The following LPAR1 variants were observed in gnomAD, a reference collection of about 807,000 sequenced individuals.
The protein encoded by LPAR1 is lysophosphatidic acid receptor 1.
LPAR1 carries 5 observed loss-of-function variants against 23.8 expected under a neutral mutation model. The ratio of observed to expected loss-of-function variants is 0.21; its 90% confidence interval spans 0.11 to 0.44. The LOEUF (loss-of-function observed/expected upper bound fraction) is 0.44. Ranked by LOEUF, LPAR1 falls within the 20% of genes least tolerant of loss-of-function variation. The probability of loss-of-function intolerance (pLI) is 0.99; values close to 1 mark genes in which losing one functional copy is unlikely to be tolerated. For synonymous variants in LPAR1, 160 were observed against 164.7 expected (o/e 0.97, Z 0.22); for missense variants, 311 against 482.8 (o/e 0.64, Z 3.33).
chr9:110,930,623 G>A (rs1158144513), intron 5 of LPAR1, among the ~76,000 whole-genome samples: 8 of 151,892 alleles, frequency 5.3e-5, no homozygotes, highest in Non-Finnish European at 1.0e-4. Flanking sequence ...GCTATCTCTA[G>A]TCAATTAAGA....
rs1224800862 is a variant in LPAR1 at position 110,874,336 on chromosome 9, T to C, written c.*1085A>G. ...TAAAATTTTTAATGCCATAAGAAAA[T>C]GTGGCAATTTTGCAATGAAAAAGAT... On this transcript the variant is annotated 3_prime_UTR_variant, in exon 6 of 6. Transcript: ENST00000683809. 1 of 152,532 alleles carries C rather than the reference T, an allele frequency of 6.6e-6. No homozygotes were observed. The highest frequency in any genetic ancestry group is 2.4e-5 in the African/African-American group (1 of 41,432). 9.4% of individuals were successfully genotyped at this position (152,532 alleles called of 1,614,324 possible). A position where few individuals can be genotyped will look rare whatever the true frequency, so the allele number is the denominator to read the frequency against.
chr9:110,895,051 G>T (rs1284109958), intron 5 of LPAR1, among the ~76,000 whole-genome samples: 1 of 152,092 alleles, frequency 6.6e-6, no homozygotes, highest in Non-Finnish European at 1.5e-5. Context: ...ATGAATATTT[G>T]CTTTTAATTT....
intron 2 of LPAR1, among the ~76,000 whole-genome samples, chr9:110,991,579 T>TGTTGTTGTTGTTG (rs1554724325): frequency 5.5e-5 from 4 of 72,934 alleles, no homozygotes; most frequent in East Asian, 2.5e-4. Flanking sequence ...TCTGGTTTGT[T>TGTTGTTGTTGTTG]TTGTTGTTGT....
intron 5 of LPAR1, among the ~76,000 whole-genome samples, chr9:110,923,418 T>C (rs2093778430): frequency 6.6e-6 from 1 of 152,212 alleles, no homozygotes; most frequent in African/African-American, 2.4e-5. Context: ...CACTTTCATT[T>C]CAGTATTCAA....
At chr9:110,980,068 T>C (rs953584355) in intron 2 of LPAR1, among the ~76,000 whole-genome samples, 1 of 152,126 alleles carries the variant, frequency 6.6e-6, no homozygotes, top group Non-Finnish European at 1.5e-5. Flanking sequence ...TGAACAGCAT[T>C]AACAAGGTCA....
intron 2 of LPAR1, among the ~76,000 whole-genome samples, chr9:110,978,594 A>C (rs2096607075): frequency 6.6e-6 from 1 of 152,210 alleles, no homozygotes; most frequent in Non-Finnish European, 1.5e-5. Context: ...AAATAGAAGA[A>C]ATTCCTGAAG....
intron 4 of LPAR1, among the ~76,000 whole-genome samples, chr9:110,954,057 G>T (rs568058273): frequency 1.4e-4 from 22 of 152,052 alleles, no homozygotes; most frequent in African/African-American, 5.3e-4. Context: ...ACAATAAAAA[G>T]AAATCAGAAA....
intron 2 of LPAR1, among the ~76,000 whole-genome samples, chr9:110,984,082 C>T (rs899810625): frequency 2.6e-5 from 4 of 151,948 alleles, no homozygotes; most frequent in African/African-American, 9.7e-5. Context: ...TACGCATCAC[C>T]TCAAGCACTT....
chr9:110,957,431 C>G (rs1322055506), intron 4 of LPAR1, among the ~76,000 whole-genome samples: 2 of 151,678 alleles, frequency 1.3e-5, no homozygotes, highest in African/African-American at 2.4e-5. Flanking sequence ...AATGATGGTT[C>G]AACATATGCA....
At chr9:111,012,988 C>T (rs2097363486) in intron 2 of LPAR1, among the ~76,000 whole-genome samples, 1 of 150,580 alleles carries the variant, frequency 6.6e-6, no homozygotes, top group African/African-American at 2.5e-5. Flanking sequence ...TAATGTTAAG[C>T]TTTACGTGAT....
At chr9:110,882,057 G>A (rs1454371991) in intron 5 of LPAR1, among the ~76,000 whole-genome samples, 3 of 152,042 alleles carry the variant, frequency 2.0e-5, no homozygotes, top group Admixed American at 6.6e-5. Context: ...ATTAAATGTC[G>A]CTTTCTTAAA....
chr9:110,894,494 G>A (rs1190381968), intron 5 of LPAR1, among the ~76,000 whole-genome samples: 1 of 152,192 alleles, frequency 6.6e-6, no homozygotes, highest in East Asian at 1.9e-4. Flanking sequence ...CTTCTTCAGT[G>A]AATACGCAAA....
chr9:110,903,629 A>G (rs1301516330), intron 5 of LPAR1, among the ~76,000 whole-genome samples: 1 of 152,116 alleles, frequency 6.6e-6, no homozygotes, highest in Non-Finnish European at 1.5e-5. Flanking sequence ...AAAAACCGAC[A>G]AAAAACAGAC....
At chr9:111,009,555 T>A (rs138061571) in intron 2 of LPAR1, among the ~76,000 whole-genome samples, 1,991 of 152,176 alleles carry the variant, frequency 0.013, 45 homozygotes, top group African/African-American at 0.044. Context: ...TTGGTAAAAA[T>A]GATTGGTTTA....
intron 2 of LPAR1, among the ~76,000 whole-genome samples, chr9:111,029,421 C>T (rs1253672753): frequency 2.0e-5 from 3 of 152,078 alleles, no homozygotes; most frequent in Non-Finnish European, 4.4e-5. Flanking sequence ...CTTCTACCTC[C>T]ACAAGCTTCG....
chr9:111,025,693 A>C (rs1213411819), intron 2 of LPAR1, among the ~76,000 whole-genome samples: 1 of 152,130 alleles, frequency 6.6e-6, no homozygotes, highest in East Asian at 1.9e-4. Flanking sequence ...TTACATTTAA[A>C]TCTTTAATCC....
At chr9:111,024,454 A>T (rs2097643417) in intron 2 of LPAR1, among the ~76,000 whole-genome samples, 1 of 147,302 alleles carries the variant, frequency 6.8e-6, no homozygotes, top group Non-Finnish European at 1.5e-5. Context: ...ATATATTTTT[A>T]TATATACATA....
chr9:111,009,766 T>C (rs908249080), intron 2 of LPAR1, among the ~76,000 whole-genome samples: 11 of 151,758 alleles, frequency 7.2e-5, no homozygotes, highest in African/African-American at 2.7e-4. Flanking sequence ...TTCTAGTTTT[T>C]CAGAATTTGC....
intron 2 of LPAR1, among the ~76,000 whole-genome samples, chr9:111,012,627 A>G (rs1460095039): frequency 1.3e-5 from 2 of 152,146 alleles, no homozygotes; most frequent in Non-Finnish European, 2.9e-5. Context: ...CTTGTCCCCT[A>G]AAGAAGAAAA....
Sources: gnomAD v4.1 joint callset for allele counts (sites outside exome capture counted in the v4.1 genomes callset) on GRCh38, gnomAD v4.1.1 for gene constraint, MANE v1.5 for transcripts, NCBI Gene and HGNC (gene_info 2026-07-23, HGNC 2026-07-21) for gene names.